The following TMEM41B variants were observed in gnomAD, a reference collection of about 807,000 sequenced individuals.
The protein encoded by TMEM41B is transmembrane protein 41B.
A neutral mutation model predicts 31.9 loss-of-function variants in TMEM41B; 18 were observed. That is an observed-to-expected ratio of 0.56 (90% CI 0.39 to 0.84). The LOEUF (loss-of-function observed/expected upper bound fraction) is 0.84, where lower values mean the gene tolerates loss of function less well. Ranked by LOEUF, TMEM41B falls within the 40% of genes least tolerant of loss-of-function variation. The pLI is 0.00. For synonymous variants in TMEM41B, 144 were observed against 124.3 expected (o/e 1.16, Z -1.05); for missense variants, 322 against 348.0 (o/e 0.93, Z 0.59).
At chr11:9,288,253 C>T (rs1455490114) in intron 4 of TMEM41B, among the ~76,000 whole-genome samples, 189 bp downstream of exon 4, 1 of 152,124 alleles carries the variant, frequency 6.6e-6, no homozygotes, top group Non-Finnish European at 1.5e-5. Context: ...ATAAATGCAA[C>T]TAAGTCTATA....
intron 6 of TMEM41B, among the ~76,000 whole-genome samples, chr11:9,284,962 T>C (rs548053165): frequency 6.6e-6 from 1 of 152,080 alleles, no homozygotes; most frequent in Admixed American, 6.6e-5. Flanking sequence ...ACCTATAAAA[T>C]GGAGATAGAA....
chr11:9,283,265 C>A lies in TMEM41B; in HGVS notation c.*159G>T, dbSNP rs1852762343. ...AATTTCCATTTTTACTTTCTTCTCC[C>A]CTTGTCACTTAAATGTATTACTTTA... is the stretch of plus-strand genomic sequence containing the variant. On this transcript the variant is annotated 3_prime_UTR_variant, in exon 7 of 7. Transcript: ENST00000528080. 1.7e-6 allele frequency: 1 copy of A among 589,746 alleles called. No homozygotes were observed. The highest frequency in any genetic ancestry group is 1.9e-5 in the African/African-American group (1 of 52,502). The allele number at this position is 589,746 out of a possible 1,614,324, so 36.5% of individuals were successfully genotyped here. A position where few individuals can be genotyped will look rare whatever the true frequency, so the allele number is the denominator to read the frequency against.
At chr11:9,286,685 TGATACTTCAGA>T in intron 5 of TMEM41B, 92 bp from the exon 6 acceptor site, 1 of 1,308,970 alleles carries the variant, frequency 7.6e-7, no homozygotes, top group Non-Finnish European at 1.0e-6. Context: ...TTCTCATTCC[TGATACTTCAGA>T]GTATACCCAA....
chr11:9,295,203 C>CT, intron 3 of TMEM41B, 56 bp downstream of exon 3: 1 of 1,412,068 alleles, frequency 7.1e-7, no homozygotes, highest in Non-Finnish European at 9.5e-7. Context: ...AAGAGCAGAC[C>CT]TTTTACACTT....
chr11:9,281,341 G>A lies in TMEM41B; in HGVS notation c.*2083C>T, dbSNP rs1382562956. On this transcript the variant is annotated 3_prime_UTR_variant, in exon 7 of 7. Coordinates refer to ENST00000528080, the MANE Select transcript of TMEM41B (RefSeq NM_015012.4). Reference sequence around the variant, plus strand: ...GGCAATAAGAAAGGAAGAAAGCCTTGCTAGAAATAATAAATAATCTCACGC... The same window carrying A: ...GGCAATAAGAAAGGAAGAAAGCCTTACTAGAAATAATAAATAATCTCACGC... 1.3e-5 allele frequency: 2 copies of A among 152,172 alleles called. No homozygotes were observed. The highest frequency in any genetic ancestry group is 2.9e-5 in the Non-Finnish European group (2 of 68,034). The allele number at this position is 152,172 out of a possible 1,614,324, so 9.4% of individuals were successfully genotyped here.
intron 3 of TMEM41B, among the ~76,000 whole-genome samples, chr11:9,290,023 C>G (rs1343016549): frequency 6.6e-6 from 1 of 151,346 alleles, no homozygotes; most frequent in Non-Finnish European, 1.5e-5. Context: ...TCCTACATGT[C>G]TCTGTCAAAA....
chr11:9,302,657 C>T (rs1853287909), intron 1 of TMEM41B, among the ~76,000 whole-genome samples: 1 of 99,638 alleles, frequency 1.0e-5, no homozygotes, highest in Non-Finnish European at 2.1e-5. Flanking sequence ...CCTTGCTATT[C>T]AAAGAATGTT....
chr11:9,312,391 T>C (rs1205433700), intron 1 of TMEM41B, among the ~76,000 whole-genome samples: 1 of 152,154 alleles, frequency 6.6e-6, no homozygotes, highest in African/African-American at 2.4e-5. Flanking sequence ...AGTCAGCTAT[T>C]TGAGGGGGCT....
chr11:9,311,116 C>T (rs1853550148), intron 1 of TMEM41B, among the ~76,000 whole-genome samples: 1 of 152,156 alleles, frequency 6.6e-6, no homozygotes, highest in African/African-American at 2.4e-5. Flanking sequence ...CAATTCTCTT[C>T]CCATTTTCCC....
chr11:9,292,841 T>C (rs1438870083), intron 3 of TMEM41B, among the ~76,000 whole-genome samples: 2 of 151,998 alleles, frequency 1.3e-5, no homozygotes, highest in African/African-American at 4.8e-5. Context: ...GCCATACTAT[T>C]TTCCATAGTA....
chr11:9,288,541 A>G lies in TMEM41B; in HGVS notation c.369-6T>C, dbSNP rs752368117. 1.3e-6 allele frequency: 2 copies of G among 1,560,990 alleles called. No individual in the cohort carries two copies. Among genetic ancestry groups the G allele is most frequent in the South Asian group, 2.5e-5 (2 of 81,040 alleles). ...GAATAGCAAATGTTTGCAAGCTGGT[A>G]ACTTTTAAGTTAAGGATTAGAATAT... On this transcript the variant is annotated splice_polypyrimidine_tract_variant and splice_region_variant and intron_variant, in intron 3 of 6. Transcript: ENST00000528080.
intron 2 of TMEM41B, among the ~76,000 whole-genome samples, chr11:9,295,842 A>C (rs1853072199): frequency 1.4e-5 from 2 of 142,530 alleles, no homozygotes; most frequent in Non-Finnish European, 3.1e-5. Flanking sequence ...CCTATAAATT[A>C]TTATTAATTT....
chr11:9,282,579 C>A lies in TMEM41B; in HGVS notation c.*845G>T, dbSNP rs1852741567. 6.6e-6 allele frequency: 1 copy of A among 152,008 alleles called. No homozygotes were observed. The highest frequency in any genetic ancestry group is 2.4e-5 in the African/African-American group (1 of 41,382). 9.4% of individuals were successfully genotyped at this position (152,008 alleles called of 1,614,324 possible). ...ATTAACAAAATAGATAACTTGATAT[C>A]CTTTCCATATTCAGTCGTCTACTAA... On this transcript the variant is annotated 3_prime_UTR_variant, in exon 7 of 7. Transcript: ENST00000528080.
At chr11:9,311,522 TG>T (rs1367033414) in intron 1 of TMEM41B, 6 of 1,337,636 alleles carry the variant, frequency 4.5e-6, no homozygotes, top group South Asian at 1.4e-5. Context: ...GGGGCCAACC[TG>T]GGGGGAAAGC....
chr11:9,291,913 G>A (rs925505682), intron 3 of TMEM41B, among the ~76,000 whole-genome samples: 1 of 151,956 alleles, frequency 6.6e-6, no homozygotes, highest in African/African-American at 2.4e-5. Context: ...TCACCATCTT[G>A]GTCAGGTTGG....
intron 3 of TMEM41B, among the ~76,000 whole-genome samples, chr11:9,289,870 A>G (rs1268718737): frequency 2.0e-5 from 3 of 152,252 alleles, no homozygotes; most frequent in African/African-American, 7.2e-5. Context: ...TCAACTCTTG[A>G]AATTTCTCTA....
At chr11:9,312,337 T>C in intron 1 of TMEM41B, among the ~76,000 whole-genome samples, 1 of 152,072 alleles carries the variant, frequency 6.6e-6, no homozygotes, top group Non-Finnish European at 1.5e-5. Context: ...GCCCCTTCTC[T>C]ACAAAAAACA....
At chr11:9,290,038 A>C (rs906203485) in intron 3 of TMEM41B, among the ~76,000 whole-genome samples, 3 of 149,902 alleles carry the variant, frequency 2.0e-5, no homozygotes, top group South Asian at 2.1e-4. Context: ...TCAAAAACAA[A>C]ACACACACAC....
At chr11:9,312,259 C>T (rs1390975749) in intron 1 of TMEM41B, among the ~76,000 whole-genome samples, 3 of 152,232 alleles carry the variant, frequency 2.0e-5, no homozygotes, top group Non-Finnish European at 2.9e-5. Flanking sequence ...TGGCTCATGC[C>T]TGTAATTCCA....
Sources: allele counts gnomAD v4.1 joint callset (sites outside exome capture counted in the v4.1 genomes callset), GRCh38; gene constraint gnomAD v4.1.1; transcripts MANE v1.5; gene names NCBI Gene and HGNC (gene_info 2026-07-23, HGNC 2026-07-21).